Variants in B3GALT1 observed in about 807,000 individuals in gnomAD.
The protein encoded by B3GALT1 is beta-1,3-galactosyltransferase 1, also known as UDP-Gal:betaGlcNAc beta 1,3-galactosyltransferase, polypeptide 1.
A neutral mutation model predicts 23.2 loss-of-function variants in B3GALT1; 10 were observed. The observed-to-expected ratio is 0.43, with a 90% CI of 0.27 to 0.73. The LOEUF is 0.73. B3GALT1 is among the 30% of genes least tolerant of loss of function. The pLI is 0.21. For missense variants in B3GALT1, 299 were observed against 405.4 expected (o/e 0.74, Z 2.25); for synonymous variants, 156 against 141.5 (o/e 1.10, Z -0.73).
At chr2:167,823,122 G>A (rs1289210700) in intron 4 of B3GALT1, among the ~76,000 whole-genome samples, 1 of 148,290 alleles carries the variant, frequency 6.7e-6, no homozygotes, top group Admixed American at 7.0e-5. Context: ...GACCCCCCCA[G>A]GTGGGGGCCC....
chr2:167,812,086 A>G (rs1021738390), intron 3 of B3GALT1, among the ~76,000 whole-genome samples: 1 of 152,250 alleles, frequency 6.6e-6, no homozygotes, highest in African/African-American at 2.4e-5. Context: ...AAAATAAGCA[A>G]AAGCAAAACA....
chr2:167,861,005 C>T (rs1021546376), intron 4 of B3GALT1, among the ~76,000 whole-genome samples: 2 of 152,002 alleles, frequency 1.3e-5, no homozygotes, highest in African/African-American at 4.8e-5. Flanking sequence ...ATTACTTGCT[C>T]AAATCAGGAA....
At chr2:167,567,662 C>T (rs1311965600) in intron 2 of B3GALT1, among the ~76,000 whole-genome samples, 1 of 151,956 alleles carries the variant, frequency 6.6e-6, no homozygotes, top group Admixed American at 6.6e-5. Flanking sequence ...CCATACATGC[C>T]AGCCTTCCCC....
At chr2:167,544,951 G>A (rs184838389) in intron 2 of B3GALT1, among the ~76,000 whole-genome samples, 206 of 144,052 alleles carry the variant, frequency 1.4e-3, no homozygotes, top group African/African-American at 4.7e-3. Flanking sequence ...AAAAGCGAAA[G>A]TAAAATGAAA....
intron 1 of B3GALT1, among the ~76,000 whole-genome samples, chr2:167,353,557 CTTAT>C (rs966600753): frequency 1.3e-5 from 2 of 151,642 alleles, no homozygotes; most frequent in African/African-American, 2.4e-5. Flanking sequence ...CTTGGGGTGT[CTTAT>C]TTATTCAATG....
chr2:167,415,146 T>G (rs1698448469), intron 1 of B3GALT1, among the ~76,000 whole-genome samples: 1 of 152,178 alleles, frequency 6.6e-6, no homozygotes, highest in South Asian at 2.1e-4. Context: ...TAATCCCCAT[T>G]GTGGCAGTAC....
At chr2:167,506,816 G>A (rs994260855) in intron 2 of B3GALT1, among the ~76,000 whole-genome samples, 1 of 152,076 alleles carries the variant, frequency 6.6e-6, no homozygotes, top group African/African-American at 2.4e-5. Context: ...TCCATGCAGG[G>A]GAATTAGAAC....
intron 4 of B3GALT1, among the ~76,000 whole-genome samples, chr2:167,840,058 C>A (rs879384957): frequency 3.3e-5 from 5 of 152,204 alleles, no homozygotes; most frequent in African/African-American, 1.2e-4. Context: ...CAATGTTAGA[C>A]CTAAAACCAT....
chr2:167,630,116 T>C (rs913298275), intron 2 of B3GALT1, among the ~76,000 whole-genome samples: 5 of 151,752 alleles, frequency 3.3e-5, no homozygotes, highest in African/African-American at 1.2e-4. Context: ...ATCAGTAAAA[T>C]AGGTGTACTA....
intron 3 of B3GALT1, among the ~76,000 whole-genome samples, chr2:167,803,639 C>A (rs771015585): frequency 2.6e-5 from 4 of 152,166 alleles, no homozygotes; most frequent in Non-Finnish European, 4.4e-5. Flanking sequence ...GCAGCTCACC[C>A]ATCCCTTTGA....
Position 167,303,682 on chromosome 2 carries a change from C to CACAG in B3GALT1, c.-511+10349_-511+10350insCAGA, listed in dbSNP as rs535369991. Among the ~76,000 whole-genome samples, 273 of 148,814 alleles carry CACAG rather than the reference C, an allele frequency of 1.8e-3. 1 individual carries two copies. The highest frequency in any genetic ancestry group is 5.3e-3 in the African/African-American group (211 of 40,062). ...ACACACACACACACACACACACACA[C>CACAG]AGAGAGAGACCTTGTTGCTGCCATT... is the stretch of plus-strand genomic sequence containing the variant. On this transcript the variant is annotated intron_variant, in intron 1 of 4. Coordinates refer to ENST00000392690, the MANE Select transcript of B3GALT1 (RefSeq NM_020981.4).
At chr2:167,521,972 G>A (rs957635692) in intron 2 of B3GALT1, among the ~76,000 whole-genome samples, 3 of 125,980 alleles carry the variant, frequency 2.4e-5, no homozygotes, top group African/African-American at 1.0e-4. Flanking sequence ...ACATATATGT[G>A]TGTGTGTGTG....
intron 4 of B3GALT1, among the ~76,000 whole-genome samples, chr2:167,832,595 G>A (rs1689374634): frequency 6.6e-6 from 1 of 152,192 alleles, no homozygotes; most frequent in Non-Finnish European, 1.5e-5. Context: ...ACTTGTTAAA[G>A]CAAAGGCATT....
At chr2:167,564,114 C>T (rs1684095626) in intron 2 of B3GALT1, among the ~76,000 whole-genome samples, 1 of 151,056 alleles carries the variant, frequency 6.6e-6, no homozygotes, top group African/African-American at 2.4e-5. Context: ...GACGGGGCGG[C>T]TGCCTGGCGG....
chr2:167,820,216 A>C (rs1689077595), intron 4 of B3GALT1, among the ~76,000 whole-genome samples: 1 of 152,238 alleles, frequency 6.6e-6, no homozygotes, highest in Admixed American at 6.5e-5. Context: ...TAAAAACAAA[A>C]CAGAAAATAA....
chr2:167,485,096 A>G (rs1194363316), intron 1 of B3GALT1, among the ~76,000 whole-genome samples: 4 of 152,166 alleles, frequency 2.6e-5, no homozygotes, highest in African/African-American at 9.7e-5. Context: ...CATGGCCTGA[A>G]CAAGTTTTTC....
chr2:167,530,070 A>G (rs950667327), intron 2 of B3GALT1, among the ~76,000 whole-genome samples: 4 of 152,018 alleles, frequency 2.6e-5, no homozygotes, highest in Non-Finnish European at 5.9e-5. Flanking sequence ...ATCTCCCTGT[A>G]CCTATTTCTT....
At chr2:167,855,904 T>C (rs1025779439) in intron 4 of B3GALT1, among the ~76,000 whole-genome samples, 1 of 152,092 alleles carries the variant, frequency 6.6e-6, no homozygotes, top group Non-Finnish European at 1.5e-5. Context: ...TGTTCAGAAC[T>C]TACTAAAGAA....
chr2:167,715,695 C>T, intron 3 of B3GALT1: 3 of 1,613,336 alleles, frequency 1.9e-6, no homozygotes, highest in Non-Finnish European at 2.5e-6. Context: ...AAACTTCGTG[C>T]TTCTGCTGCC....
Sources: allele counts gnomAD v4.1 joint callset (sites outside exome capture counted in the v4.1 genomes callset), GRCh38; gene constraint gnomAD v4.1.1; transcripts MANE v1.5; gene names NCBI Gene and HGNC (gene_info 2026-07-23, HGNC 2026-07-21).